The following MBOAT1 variants were observed in gnomAD, a reference collection of about 807,000 sequenced individuals.
MBOAT1 encodes membrane bound glycerophospholipid O-acyltransferase 1.
In MBOAT1, 67 loss-of-function variants were observed where a neutral mutation model predicts 64.4. The observed-to-expected ratio is 1.04, with a 90% confidence interval of 0.85 to 1.27. The LOEUF (loss-of-function observed/expected upper bound fraction) is 1.27, where lower values mean the gene tolerates loss of function less well. Among genes scored for constraint, MBOAT1 ranks in the 50% most tolerant of loss-of-function variants. The pLI is 0.00. For missense variants in MBOAT1, 563 were observed against 604.6 expected (o/e 0.93, Z 0.72); for synonymous variants, 229 against 218.9 (o/e 1.05, Z -0.41).
chr6:20,149,307 T>C (rs16883427), intron 3 of MBOAT1, among the ~76,000 whole-genome samples: 32,468 of 151,934 alleles, frequency 0.21, 4,224 homozygotes, highest in East Asian at 0.44. Context: ...AGGCCTGATA[T>C]GAAACAAGTG....
rs1202291059 is a variant in MBOAT1, at chr6:20,126,566, A to G, written c.665T>C (p.Val222Ala). 2.5e-6 allele frequency: 4 copies of G among 1,612,828 alleles called. No homozygotes were observed. In the African/African-American group the frequency reaches 5.3e-5, roughly 22 times the overall value. Reference sequence around the variant, plus strand: ...GTGGAAACCTTTTCGCTTCCAGTTCACCTCCAGCAACTTCATGTGTATATG... The same window carrying G: ...GTGGAAACCTTTTCGCTTCCAGTTCGCCTCCAGCAACTTCATGTGTATATG... ...GKHIHMKLLE[V>A]NWKRKGFHSL... Residue 222 changes from valine to alanine, a missense_variant, in exon 7 of 13, where the codon GTG (valine) becomes GCG (alanine). Physicochemically the swap from Val to Ala is moderately conservative, Grantham distance 64. Transcript: ENST00000324607.
intron 1 of MBOAT1, among the ~76,000 whole-genome samples, chr6:20,205,329 G>T (rs180693970): frequency 1.1e-4 from 17 of 152,332 alleles, no homozygotes; most frequent in African/African-American, 4.1e-4. Flanking sequence ...GCAGTGCTGA[G>T]AGCGTAAGCA....
chr6:20,111,855 T>C (rs1464874734), intron 11 of MBOAT1, among the ~76,000 whole-genome samples: 3 of 129,434 alleles, frequency 2.3e-5, no homozygotes, highest in African/African-American at 9.8e-5. Context: ...TACATATATA[T>C]ATACATATAT....
intron 12 of MBOAT1, among the ~76,000 whole-genome samples, chr6:20,103,282 C>G (rs2113620306): frequency 6.6e-6 from 1 of 152,058 alleles, no homozygotes; most frequent in South Asian, 2.1e-4. Context: ...GTAGCCTAGG[C>G]TGATGGGTGT....
At chr6:20,102,506 G>C in intron 12 of MBOAT1, 94 bp from the exon 13 acceptor site, 1 of 1,094,410 alleles carries the variant, frequency 9.1e-7, no homozygotes. Flanking sequence ...ACAAGTGAGA[G>C]CACCGCTTTT....
At chr6:20,127,336 C>A (rs1269158298) in intron 6 of MBOAT1, among the ~76,000 whole-genome samples, 3 of 152,138 alleles carry the variant, frequency 2.0e-5, no homozygotes, top group South Asian at 2.1e-4. Flanking sequence ...AATAAAGACT[C>A]CCTGAAATGT....
intron 1 of MBOAT1, among the ~76,000 whole-genome samples, chr6:20,163,876 A>G (rs1039903294): frequency 6.6e-6 from 1 of 152,006 alleles, no homozygotes. Flanking sequence ...GGGCCTCCAT[A>G]AGGAGTGAGG....
chr6:20,201,203 C>G (rs988151294), intron 1 of MBOAT1, among the ~76,000 whole-genome samples: 8 of 152,156 alleles, frequency 5.3e-5, no homozygotes, highest in African/African-American at 1.9e-4. Flanking sequence ...AGATTTTTCT[C>G]ATAACACAAA....
intron 1 of MBOAT1, among the ~76,000 whole-genome samples, chr6:20,187,432 G>T (rs531825): frequency 1.3e-5 from 2 of 152,086 alleles, no homozygotes; most frequent in Non-Finnish European, 2.9e-5. Flanking sequence ...TAATGCATAC[G>T]GTGGGTGTTC....
intron 1 of MBOAT1, among the ~76,000 whole-genome samples, chr6:20,159,234 C>T (rs762494796): frequency 6.6e-5 from 10 of 151,912 alleles, no homozygotes; most frequent in East Asian, 1.9e-4. Context: ...GGCAGGTGAC[C>T]GAGAGAAGCT....
intron 3 of MBOAT1, among the ~76,000 whole-genome samples, chr6:20,147,624 A>G (rs1372407459): frequency 2.0e-5 from 3 of 151,028 alleles, no homozygotes; most frequent in Non-Finnish European, 4.4e-5. Context: ...GGGCAACGAG[A>G]GCAAACTCCG....
chr6:20,115,368 T>A lies in MBOAT1; in HGVS notation c.1012-16A>T. 6.2e-7 allele frequency: 1 copy of A among 1,603,320 alleles called. No individual in the cohort carries two copies. The highest frequency in any genetic ancestry group is 8.5e-7 in the Non-Finnish European group (1 of 1,170,484). The stretch of plus-strand genomic sequence containing the variant: ...TTGTGGCAGTCTGGAAAGAAGAAAA[T>A]AACACCTATCATTAGCTTTAAAAAT... On this transcript the variant is annotated splice_polypyrimidine_tract_variant and intron_variant, in intron 9 of 12. Transcript: ENST00000324607.
intron 1 of MBOAT1, among the ~76,000 whole-genome samples, chr6:20,187,391 C>A (rs1047922855): frequency 1.3e-5 from 2 of 152,234 alleles, no homozygotes; most frequent in Admixed American, 6.5e-5. Context: ...ACATCCTGCA[C>A]AAGCATCGAA....
At chr6:20,206,883 A>G (rs1053409788) in intron 1 of MBOAT1, among the ~76,000 whole-genome samples, 1 of 152,012 alleles carries the variant, frequency 6.6e-6, no homozygotes, top group East Asian at 1.9e-4. Context: ...CTTCACTCAC[A>G]TATCCCAGCC....
In MBOAT1 at chr6:20,099,922, T is replaced by A. The variant is rs1166683685; in HGVS notation, c.*2364A>T. Among the ~76,000 whole-genome samples the A allele has an allele frequency of 6.6e-6, 1 of 152,216 alleles. No individual in the cohort carries two copies. The highest frequency in any genetic ancestry group is 6.5e-5 in the Admixed American group (1 of 15,284). ...CTAATCAGTCTCCTATGTGTTGTTC[T>A]TTTTATACAGAATAAAGCCTCATGT... On this transcript the variant is annotated 3_prime_UTR_variant, in exon 13 of 13. Coordinates refer to ENST00000324607, the MANE Select transcript of MBOAT1 (RefSeq NM_001080480.3).
At chr6:20,137,561 A>C (rs1761034370) in intron 4 of MBOAT1, among the ~76,000 whole-genome samples, 1 of 152,220 alleles carries the variant, frequency 6.6e-6, no homozygotes, top group African/African-American at 2.4e-5. Flanking sequence ...ATTGATATGA[A>C]TTGTATTAGC....
At chr6:20,209,413 C>A (rs540523789) in intron 1 of MBOAT1, among the ~76,000 whole-genome samples, 1 of 152,010 alleles carries the variant, frequency 6.6e-6, no homozygotes, top group Admixed American at 6.6e-5. Flanking sequence ...AAGGATGCCA[C>A]GAAGTTAACA....
At chr6:20,199,419 G>A (rs1763056454) in intron 1 of MBOAT1, among the ~76,000 whole-genome samples, 2 of 152,008 alleles carry the variant, frequency 1.3e-5, no homozygotes, top group South Asian at 4.1e-4. Context: ...AAAAACCTGC[G>A]TACATCAACT....
At chr6:20,123,774 A>G (rs1760561279) in intron 8 of MBOAT1, among the ~76,000 whole-genome samples, 1 of 152,170 alleles carries the variant, frequency 6.6e-6, no homozygotes, top group African/African-American at 2.4e-5. Context: ...AGCCAGATCA[A>G]GGCTGGGCGT....
Sources: allele counts gnomAD v4.1 joint callset (sites outside exome capture counted in the v4.1 genomes callset), GRCh38; gene constraint gnomAD v4.1.1; transcripts MANE v1.5; gene names NCBI Gene and HGNC (gene_info 2026-07-23, HGNC 2026-07-21).